PHLPP1: variants seen among roughly 807,000 people sequenced by gnomAD.
The protein encoded by PHLPP1 is PH domain leucine-rich repeat-containing protein phosphatase 1.
In PHLPP1, 42 loss-of-function variants were observed where a neutral mutation model predicts 117.2. That is an observed-to-expected ratio of 0.36 (90% CI 0.28 to 0.46). PHLPP1 has a LOEUF of 0.46. PHLPP1 is among the 20% of genes least tolerant of loss of function. The pLI is 1.00. For synonymous variants in PHLPP1, 1,042 were observed against 970.7 expected (o/e 1.07, Z -1.37); for missense variants, 2,084 against 2,241.9 (o/e 0.93, Z 1.42).
Position 62,978,361 on chromosome 18 carries a change from C to T in PHLPP1, c.4084C>T (p.Leu1362=), listed in dbSNP as rs1373882162. The change falls in exon 17 of 17, where the codon CTG becomes TTG. Residue 1362 remains leucine (L), a synonymous_variant. Transcript: ENST00000262719. This position sits in a 1 kb window ranked among gnomAD's most constrained non-coding sequence, Gnocchi z 7.0. ...TCGCCCCCACGTGCAGTCCGTGCTC[C>T]TGACTCCCCAGGATGAGTTCTTCAT... ...VPRPHVQSVL[L]TPQDEFFILG... 3.7e-6 allele frequency: 6 copies of T among 1,613,022 alleles called. No homozygotes were observed. The East Asian group carries it at 8.9e-5, about 24-fold the overall frequency.
At chr18:62,892,290 T>C (rs1281352166) in intron 4 of PHLPP1, among the ~76,000 whole-genome samples, 1 of 151,864 alleles carries the variant, frequency 6.6e-6, no homozygotes, top group Non-Finnish European at 1.5e-5. Flanking sequence ...GGTTTCACCA[T>C]GTTGGCCAGG....
chr18:62,723,367 T>C (rs980511741), intron 1 of PHLPP1, among the ~76,000 whole-genome samples: 5 of 152,170 alleles, frequency 3.3e-5, no homozygotes, highest in African/African-American at 1.2e-4. Context: ...TGAAGACTGA[T>C]GAAATTTGAA....
At chr18:62,907,500 G>A (rs1349181331) in intron 8 of PHLPP1, among the ~76,000 whole-genome samples, 10 of 113,778 alleles carry the variant, frequency 8.8e-5, no homozygotes, top group Middle Eastern at 3.9e-3. Context: ...CGAGAACTAC[G>A]TGAAGAATGC....
intron 1 of PHLPP1, among the ~76,000 whole-genome samples, chr18:62,780,134 A>G (rs1029711194): frequency 2.1e-4 from 32 of 152,166 alleles, no homozygotes; most frequent in African/African-American, 6.5e-4. Context: ...GGTATATATG[A>G]TAGTTGTCCA....
chr18:62,839,022 C>T, intron 3 of PHLPP1, 113 bp downstream of exon 3: 2 of 1,084,518 alleles, frequency 1.8e-6, no homozygotes, highest in Non-Finnish European at 2.6e-6. Flanking sequence ...TTTTTTCCTC[C>T]CCAGATACTG....
chr18:62,860,735 C>A, intron 4 of PHLPP1, 134 bp downstream of exon 4: 1 of 701,090 alleles, frequency 1.4e-6, no homozygotes, highest in Non-Finnish European at 2.3e-6. Flanking sequence ...GGTAATAGGA[C>A]TTTGTTTATT....
intron 4 of PHLPP1, among the ~76,000 whole-genome samples, chr18:62,861,369 G>T (rs1484360499): frequency 6.6e-6 from 1 of 152,146 alleles, no homozygotes; most frequent in Non-Finnish European, 1.5e-5. Flanking sequence ...CTCCCAAAGT[G>T]CTGTGATTAT....
chr18:62,845,200 G>A (rs1464783826), intron 3 of PHLPP1, among the ~76,000 whole-genome samples: 1 of 152,142 alleles, frequency 6.6e-6, no homozygotes. Flanking sequence ...GTTTCTCTGT[G>A]TTGATCAGTG....
intron 13 of PHLPP1, among the ~76,000 whole-genome samples, chr18:62,961,609 T>G (rs1910771060): frequency 6.6e-6 from 1 of 152,234 alleles, no homozygotes; most frequent in Non-Finnish European, 1.5e-5. Context: ...AGAAACCTAT[T>G]GTATTGCTGA....
At chr18:62,938,811 A>C (rs770091486) in intron 10 of PHLPP1, among the ~76,000 whole-genome samples, 8 of 152,100 alleles carry the variant, frequency 5.3e-5, no homozygotes, top group Non-Finnish European at 1.5e-5. Context: ...GGGGTTTTTT[A>C]AGTTGCTTGG....
At chr18:62,959,907 G>T (rs1029591221) in intron 13 of PHLPP1, among the ~76,000 whole-genome samples, 3 of 152,054 alleles carry the variant, frequency 2.0e-5, no homozygotes, top group Non-Finnish European at 4.4e-5. Context: ...AAGGCGTAGA[G>T]ACCGAGGTTC....
At position 62,716,440 on chromosome 18, in the gene PHLPP1, G is replaced by A. The variant is rs755574688; in HGVS notation, c.757G>A (p.Gly253Arg). ...GVVKVLGQGPGAAAAREPAEP... is the reference protein window; with the variant it reads ...GVVKVLGQGPRAAAAREPAEP... ...GGTGAAGGTGCTGGGCCAGGGGCCCGGAGCCGCCGCCGCCCGGGAGCCCGC... is the reference window on the plus strand; with the variant it reads ...GGTGAAGGTGCTGGGCCAGGGGCCCAGAGCCGCCGCCGCCCGGGAGCCCGC... The change falls in exon 1 of 17, where the codon GGA becomes AGA. Residue 253 changes from glycine (G) to arginine (R), a missense_variant. By Grantham distance (125) the Gly-to-Arg change is moderately radical. Coordinates refer to ENST00000262719, the MANE Select transcript of PHLPP1 (RefSeq NM_194449.4). The surrounding 1 kb of genome is among the most constrained non-coding windows in gnomAD (Gnocchi z 5.7). The A allele has an allele frequency of 5.3e-6, 7 of 1,322,092 alleles. No homozygotes were observed. The South Asian group carries it at 1.5e-4, about 28-fold the overall frequency. The allele number at this position is 1,322,092 out of a possible 1,614,324, so 81.9% of individuals were successfully genotyped here.
Position 62,915,008 on chromosome 18 carries a change from G to A in PHLPP1, c.2804G>A (p.Arg935His), listed in dbSNP as rs754366248. ...GHNQICELPARLFCNSSLRKL... is the reference protein window; with the variant it reads ...GHNQICELPAHLFCNSSLRKL... ...AATCAAATATGTGAACTTCCTGCCC[G>A]GTGAGTATTACAGATCAAATGAGAG... The change falls in exon 9 of 17, where the codon CGC becomes CAC. Residue 935 changes from arginine to histidine, a missense_variant and splice_region_variant. By Grantham distance (29) the Arg-to-His change is conservative (BLOSUM62 0). Transcript: ENST00000262719. The A allele has an allele frequency of 1.9e-5, 31 of 1,605,570 alleles. No homozygotes were observed. Among genetic ancestry groups the A allele is most frequent in the Admixed American group, 5.0e-5 (3 of 59,570 alleles).
chr18:62,829,935 G>T, intron 1 of PHLPP1, 100 bp from the exon 2 acceptor site: 1 of 751,308 alleles, frequency 1.3e-6, no homozygotes, highest in Non-Finnish European at 2.1e-6. Context: ...ATTTTCCCTT[G>T]AATTATTCCC....
intron 4 of PHLPP1, among the ~76,000 whole-genome samples, chr18:62,890,855 T>A (rs1440942591): frequency 6.6e-6 from 1 of 152,230 alleles, no homozygotes; most frequent in Non-Finnish European, 1.5e-5. Context: ...GAGGAACTTT[T>A]TTTTAAGTTA....
At chr18:62,936,389 G>GA (rs1909966875) in intron 10 of PHLPP1, among the ~76,000 whole-genome samples, 1 of 152,130 alleles carries the variant, frequency 6.6e-6, no homozygotes, top group Non-Finnish European at 1.5e-5. Context: ...CATGAAAATA[G>GA]AAAAATCACT....
At chr18:62,854,424 C>A (rs1181072670) in intron 3 of PHLPP1, among the ~76,000 whole-genome samples, 1 of 152,178 alleles carries the variant, frequency 6.6e-6, no homozygotes, top group Non-Finnish European at 1.5e-5. Context: ...GAATAATGCC[C>A]CATGGGGATT....
In PHLPP1 at chr18:62,788,941, T is replaced by TA. The variant is rs200453069; in HGVS notation, c.1577-41085dup. On this transcript the variant is annotated intron_variant, in intron 1 of 16. Coordinates refer to ENST00000262719, the MANE Select transcript of PHLPP1 (RefSeq NM_194449.4). ...GTTGTTAGCAAATAAGAGGTGTGTT[T>TA]AAAAAAAAATAATAAAACAGAAAAC... Among the ~76,000 whole-genome samples, 16 of 151,626 alleles carry TA rather than the reference T, an allele frequency of 1.1e-4. No homozygotes were observed. In the South Asian group the frequency reaches 2.5e-3, roughly 24 times the overall value.
intron 10 of PHLPP1, among the ~76,000 whole-genome samples, chr18:62,930,469 A>AG (rs1909775267): frequency 6.6e-6 from 1 of 151,918 alleles, no homozygotes; most frequent in African/African-American, 2.4e-5. Flanking sequence ...AACAGTAAAA[A>AG]AAAATTGCAT....
Sources: gnomAD v4.1 joint callset for allele counts (sites outside exome capture counted in the v4.1 genomes callset) on GRCh38, gnomAD v4.1.1 for gene constraint, Gnocchi (gnomAD v3.1) non-coding constraint, MANE v1.5 for transcripts, NCBI Gene and HGNC (gene_info 2026-07-23, HGNC 2026-07-21) for gene names.